Variants in PCNX2 observed in about 807,000 individuals in gnomAD.
The protein encoded by PCNX2 is pecanex-like protein 2.
In PCNX2, 168 loss-of-function variants were observed where a neutral mutation model predicts 223.8. That is an observed-to-expected ratio of 0.75 (90% CI 0.66 to 0.85). The LOEUF (loss-of-function observed/expected upper bound fraction) is 0.85, where lower values mean the gene tolerates loss of function less well. Among genes scored for constraint, PCNX2 ranks in the 40% least tolerant of loss-of-function variants. The pLI is 0.00. For missense variants in PCNX2, 2,507 were observed against 2,675.5 expected (o/e 0.94, Z 1.39); for synonymous variants, 1,006 against 1,052.6 (o/e 0.96, Z 0.86).
At chr1:233,265,963 G>A (rs1176841917) in intron 1 of PCNX2, among the ~76,000 whole-genome samples, 1 of 152,016 alleles carries the variant, frequency 6.6e-6, no homozygotes, top group Non-Finnish European at 1.5e-5. Context: ...ATTAAGTGAG[G>A]GCAAGAAGTT....
At chr1:233,265,388 T>C (rs1660275133) in intron 1 of PCNX2, among the ~76,000 whole-genome samples, 1 of 152,232 alleles carries the variant, frequency 6.6e-6, no homozygotes, top group Non-Finnish European at 1.5e-5. Flanking sequence ...CTAGCTTCTC[T>C]TGCAGTGAGG....
chr1:233,224,371 T>C (rs1323045872), intron 10 of PCNX2, among the ~76,000 whole-genome samples: 1 of 152,192 alleles, frequency 6.6e-6, no homozygotes, highest in Admixed American at 6.5e-5. Context: ...GCAGGAACCA[T>C]GAAACTACTG....
At chr1:233,081,050 A>G (rs1458924931) in intron 23 of PCNX2, among the ~76,000 whole-genome samples, 1 of 152,198 alleles carries the variant, frequency 6.6e-6, no homozygotes, top group African/African-American at 2.4e-5. Context: ...CACCCATTTA[A>G]AAAGCTACCA....
At chr1:233,209,327 T>C (rs944122884) in intron 12 of PCNX2, among the ~76,000 whole-genome samples, 1 of 152,198 alleles carries the variant, frequency 6.6e-6, no homozygotes, top group Admixed American at 6.5e-5. Flanking sequence ...CCTATTGTTA[T>C]GAGGCAAAGT....
intron 23 of PCNX2, among the ~76,000 whole-genome samples, chr1:233,087,947 G>A (rs769620140): frequency 1.3e-5 from 2 of 152,158 alleles, no homozygotes; most frequent in Non-Finnish European, 2.9e-5. Context: ...TAATATCTGT[G>A]TTATTTACTG....
chr1:233,134,851 G>C, intron 21 of PCNX2, 162 bp downstream of exon 21: 1 of 646,372 alleles, frequency 1.5e-6, no homozygotes, highest in Non-Finnish European at 2.6e-6. Flanking sequence ...TCCATGGGCA[G>C]TTTTCCCCAA....
At chr1:233,123,126 C>T (rs1206666962) in intron 21 of PCNX2, among the ~76,000 whole-genome samples, 4 of 152,074 alleles carry the variant, frequency 2.6e-5, no homozygotes, top group Non-Finnish European at 4.4e-5. Flanking sequence ...AAAGTATGAA[C>T]TTTAATAGTA....
At chr1:233,319,916 A>G in the PCNX2 span, among the ~76,000 whole-genome samples, 1 of 152,168 alleles carries the variant, frequency 6.6e-6, no homozygotes, top group Non-Finnish European at 1.5e-5. Flanking sequence ...GAAATAATTC[A>G]TTTTCCCCAA....
At chr1:232,996,861 A>C (rs1669890959) in intron 32 of PCNX2, among the ~76,000 whole-genome samples, 1 of 152,236 alleles carries the variant, frequency 6.6e-6, no homozygotes, top group Admixed American at 6.5e-5. Context: ...TGCGGGACAA[A>C]GATAGGACTA....
In PCNX2 at chr1:232,986,221, GCTC is replaced by G; in HGVS notation, c.6108_6110del (p.Arg2036del). 1 of 1,559,166 alleles carries G rather than the reference GCTC, an allele frequency of 6.4e-7. No individual in the cohort carries two copies. The stretch of plus-strand genomic sequence containing the variant: ...CGGAAATGACGAGCGCGCTGGAAAA[GCTC>G]CTCTTGCCGAAGAGGAAGCTCAGGG... On this transcript the variant is annotated inframe_deletion, in exon 33 of 34. Transcript: ENST00000258229.
In PCNX2 at chr1:233,001,462, A is replaced by T. The variant is rs965403534; in HGVS notation, c.5097+75T>A. The T allele has an allele frequency of 9.9e-7, 1 of 1,010,634 alleles. No homozygotes were observed. Among genetic ancestry groups the T allele is most frequent in the Non-Finnish European group, 1.2e-6 (1 of 813,466 alleles). The allele number at this position is 1,010,634 out of a possible 1,614,324, so 62.6% of individuals were successfully genotyped here. A position where few individuals can be genotyped will look rare whatever the true frequency, so the allele number is the denominator to read the frequency against. ...CCATTGCACCCCAGCCTGGGCAACAAGAGCGAAACTCCATCTCATAAATAA... is the reference window on the plus strand; with the variant it reads ...CCATTGCACCCCAGCCTGGGCAACATGAGCGAAACTCCATCTCATAAATAA... On this transcript the variant is annotated intron_variant, in intron 29 of 33. Transcript: ENST00000258229. This position sits in a 1 kb window ranked among gnomAD's most constrained non-coding sequence, Gnocchi z 4.2.
Position 233,024,527 on chromosome 1 carries a change from T to C in PCNX2, c.4605+619A>G, listed in dbSNP as rs113957204. Among the ~76,000 whole-genome samples the C allele has an allele frequency of 5.9e-3, 899 of 152,326 alleles. 13 individuals carry two copies. The highest frequency in any genetic ancestry group is 0.021 in the African/African-American group (862 of 41,576). ...CCTTCAGAAAACACCTCAGCCCGGA[T>C]GAACACTACACATCCTCAGTCAGGT... is the stretch of plus-strand genomic sequence containing the variant. On this transcript the variant is annotated intron_variant, in intron 26 of 33. Coordinates refer to ENST00000258229, the MANE Select transcript of PCNX2 (RefSeq NM_014801.4).
intron 3 of PCNX2, 88 bp downstream of exon 3, chr1:233,261,957 C>A: frequency 1.3e-6 from 2 of 1,550,394 alleles, no homozygotes; most frequent in Non-Finnish European, 1.8e-6. Flanking sequence ...ATGCAAGCTA[C>A]AATCACTGCT....
At chr1:233,173,037 G>A (rs779412446) in intron 17 of PCNX2, among the ~76,000 whole-genome samples, 3 of 152,134 alleles carry the variant, frequency 2.0e-5, no homozygotes, top group Non-Finnish European at 4.4e-5. Context: ...ATTTTTGATT[G>A]TGACATTTAA....
At chr1:233,129,633 A>C (rs1676336083) in intron 21 of PCNX2, among the ~76,000 whole-genome samples, 1 of 152,206 alleles carries the variant, frequency 6.6e-6, no homozygotes, top group Non-Finnish European at 1.5e-5. Flanking sequence ...AGGGATTGTA[A>C]ACACACCAAT....
At chr1:233,154,085 G>T (rs954402010) in intron 19 of PCNX2, among the ~76,000 whole-genome samples, 16 of 151,958 alleles carry the variant, frequency 1.1e-4, no homozygotes, top group African/African-American at 3.1e-4. Flanking sequence ...GTTTTGTTTT[G>T]TTTTATTTTT....
At chr1:233,032,406 A>G (rs75616563) in intron 25 of PCNX2, among the ~76,000 whole-genome samples, 2 of 152,148 alleles carry the variant, frequency 1.3e-5, no homozygotes, top group African/African-American at 2.4e-5. Context: ...CCCAGCCGAC[A>G]GTTTTCAGAA....
chr1:232,999,673 C>T (rs986436511), intron 30 of PCNX2: 19 of 304,610 alleles, frequency 6.2e-5, no homozygotes, highest in Admixed American at 2.4e-4. Flanking sequence ...AGGCTGGTCT[C>T]GAACTCTTGA....
intron 25 of PCNX2, among the ~76,000 whole-genome samples, chr1:233,028,160 T>C (rs939720752): frequency 6.6e-6 from 1 of 152,212 alleles, no homozygotes; most frequent in Non-Finnish European, 1.5e-5. Flanking sequence ...TAGCACATGG[T>C]GTATTTCGGT....
Sources: gnomAD v4.1 joint callset for allele counts (sites outside exome capture counted in the v4.1 genomes callset) on GRCh38, gnomAD v4.1.1 for gene constraint, Gnocchi (gnomAD v3.1) non-coding constraint, MANE v1.5 for transcripts, NCBI Gene and HGNC (gene_info 2026-07-23, HGNC 2026-07-21) for gene names.